NPHP4: variants seen among roughly 807,000 people sequenced by gnomAD.
NPHP4 encodes nephrocystin-4.
A neutral mutation model predicts 155.8 loss-of-function variants in NPHP4; 151 were observed. The ratio of observed to expected loss-of-function variants is 0.97; its 90% CI spans 0.85 to 1.11. The LOEUF is 1.11. Ranked by LOEUF, NPHP4 falls within the 50% of genes least tolerant of loss-of-function variation. The pLI is 0.00. For synonymous variants in NPHP4, 845 were observed against 816.8 expected (o/e 1.03, Z -0.59); for missense variants, 1,956 against 1,925.7 (o/e 1.02, Z -0.29).
intron 3 of NPHP4, among the ~76,000 whole-genome samples, chr1:5,973,789 G>C (rs1430136098): frequency 1.3e-5 from 2 of 152,228 alleles, no homozygotes; most frequent in African/African-American, 4.8e-5. Context: ...GACTACGGCA[G>C]TGGTTTCCAT....
chr1:5,926,955 C>T (rs563475043), intron 11 of NPHP4, among the ~76,000 whole-genome samples: 1 of 152,342 alleles, frequency 6.6e-6, no homozygotes, highest in Admixed American at 6.5e-5. Context: ...AGCCAAGGCC[C>T]CATACTCATT....
At chr1:5,894,527 AAC>A (rs576857307) in intron 16 of NPHP4, among the ~76,000 whole-genome samples, 200 of 152,300 alleles carry the variant, frequency 1.3e-3, no homozygotes, top group African/African-American at 4.5e-3. Context: ...TCAAAGGGAA[AAC>A]ACAATCAAAA....
chr1:5,975,455 C>T (rs1199127947), intron 3 of NPHP4, among the ~76,000 whole-genome samples: 1 of 152,204 alleles, frequency 6.6e-6, no homozygotes, highest in Admixed American at 6.5e-5. Flanking sequence ...GCCCTGGCCA[C>T]ACCACACTGT....
intron 18 of NPHP4, among the ~76,000 whole-genome samples, chr1:5,884,762 T>A (rs12740842): frequency 1.1e-3 from 74 of 64,912 alleles, no homozygotes; most frequent in South Asian, 2.1e-3. Flanking sequence ...CCAAGCTCCC[T>A]GCCAAACCCC....
rs116720411 is a variant in NPHP4 at position 5,944,141 on chromosome 1, G to C, written c.1119+2963C>G. On this transcript the variant is annotated intron_variant, in intron 9 of 29. Coordinates refer to ENST00000378156, the MANE Select transcript of NPHP4 (RefSeq NM_015102.5). This position sits in a 1 kb window ranked among gnomAD's most constrained non-coding sequence, Gnocchi z 4.3. Reference sequence around the variant, plus strand: ...AAAACGGGTTGTGGGAGAGGACATAGAAGAAGCAGATTGTCCAGGAAGCTG... The same window carrying C: ...AAAACGGGTTGTGGGAGAGGACATACAAGAAGCAGATTGTCCAGGAAGCTG... 1.3e-5 allele frequency among the ~76,000 whole-genome samples: 2 copies of C among 152,250 alleles called. No individual in the cohort carries two copies. The highest frequency in any genetic ancestry group is 2.9e-5 in the Non-Finnish European group (2 of 68,042).
At chr1:5,888,759 C>A in intron 17 of NPHP4, 1 of 472,994 alleles carries the variant, frequency 2.1e-6, no homozygotes, top group Non-Finnish European at 3.6e-6. Flanking sequence ...CACTGTGAAG[C>A]CAAGGACATG....
chr1:5,919,527 ACT>A lies in NPHP4; in HGVS notation c.1441+8120_1441+8121del, dbSNP rs1389709464. On this transcript the variant is annotated intron_variant, in intron 11 of 29. Coordinates refer to ENST00000378156, the MANE Select transcript of NPHP4 (RefSeq NM_015102.5). ...TAACCAAGTGCCTGGCACATCACAG[ACT>A]CTCCGCAAGTCTTTGCTGAATGGAG... 9.2e-5 allele frequency among the ~76,000 whole-genome samples: 14 copies of A among 151,892 alleles called. No individual in the cohort carries two copies. The South Asian group carries it at 1.0e-3, about 11-fold the overall frequency.
chr1:5,914,761 T>TG (rs1645375733), intron 11 of NPHP4, among the ~76,000 whole-genome samples: 1 of 152,202 alleles, frequency 6.6e-6, no homozygotes, highest in Non-Finnish European at 1.5e-5. Context: ...TTCATTGAGA[T>TG]GTCTTCCTAG....
At chr1:5,901,728 T>C (rs1370465510) in intron 16 of NPHP4, among the ~76,000 whole-genome samples, 4 of 145,946 alleles carry the variant, frequency 2.7e-5, no homozygotes, top group Non-Finnish European at 5.9e-5. Flanking sequence ...ATAAAATGAC[T>C]GGATGGAATT....
At position 5,867,487 on chromosome 1, in the gene NPHP4, C is replaced by G; in HGVS notation, c.3472+253G>C. 1.7e-6 allele frequency: 1 copy of G among 574,306 alleles called. No individual in the cohort carries two copies. The highest frequency in any genetic ancestry group is 2.9e-5 in the East Asian group (1 of 34,270). The allele number at this position is 574,306 out of a possible 1,614,324, so 35.6% of individuals were successfully genotyped here. A position where few individuals can be genotyped will look rare whatever the true frequency, so the allele number is the denominator to read the frequency against. ...AGGTGTTCCTCCAGGCACACCTGGACCTGGGCCGCGGGAGCTGGGATTTTT... is the reference window on the plus strand; with the variant it reads ...AGGTGTTCCTCCAGGCACACCTGGAGCTGGGCCGCGGGAGCTGGGATTTTT... On this transcript the variant is annotated intron_variant, in intron 24 of 29. Transcript: ENST00000378156. This position sits in a 1 kb window ranked among gnomAD's most constrained non-coding sequence, Gnocchi z 4.1.
At chr1:5,878,429 C>T (rs1283220130) in intron 19 of NPHP4, among the ~76,000 whole-genome samples, 4 of 152,210 alleles carry the variant, frequency 2.6e-5, no homozygotes, top group African/African-American at 9.6e-5. Context: ...CTGGGGCCTG[C>T]GCAAGTTGGG....
At chr1:5,952,572 C>T (rs1209924758) in intron 7 of NPHP4, 128 bp downstream of exon 7, 5 of 97,738 alleles carry the variant, frequency 5.1e-5, no homozygotes, top group Admixed American at 4.5e-4. Flanking sequence ...CCACCCACCC[C>T]TACCCTGCCC....
chr1:5,947,159 G>A lies in NPHP4; in HGVS notation c.1064C>T (p.Ala355Val), dbSNP rs200118635. 41 of 1,613,818 alleles carry A rather than the reference G, an allele frequency of 2.5e-5. No individual in the cohort carries two copies. The highest frequency in any genetic ancestry group is 4.5e-5 in the East Asian group (2 of 44,890). ...CACGTACTCCAGCTGGAAGATGACC[G>A]CAAATGCAGGGTGGCCGACCATCTC... ...LPEMVGHPAF[A>V]VIFQLEYVFS... The change falls in exon 9 of 30, where the codon GCG becomes GTG. Residue 355 changes from alanine (A) to valine (V), a missense_variant. By Grantham distance (64) the Ala-to-Val change is moderately conservative (BLOSUM62 0). Coordinates refer to ENST00000378156, the MANE Select transcript of NPHP4 (RefSeq NM_015102.5).
At chr1:5,898,494 C>T (rs1002009900) in intron 16 of NPHP4, among the ~76,000 whole-genome samples, 6 of 152,214 alleles carry the variant, frequency 3.9e-5, no homozygotes, top group African/African-American at 1.2e-4. Flanking sequence ...GTAGGACCAG[C>T]GTGCAGGGCC....
At position 5,890,684 on chromosome 1, in the gene NPHP4, G is replaced by C. The variant is rs1644074499; in HGVS notation, c.2304+184C>G. Among the ~76,000 whole-genome samples the C allele has an allele frequency of 6.6e-6, 1 of 152,158 alleles. No individual in the cohort carries two copies. Among genetic ancestry groups the C allele is most frequent in the South Asian group, 2.1e-4 (1 of 4,830 alleles). On this transcript the variant is annotated intron_variant, in intron 17 of 29. Transcript: ENST00000378156. This position sits in a 1 kb window ranked among gnomAD's most constrained non-coding sequence, Gnocchi z 4.9. ...ACTAGCATTATAGAATTCAGACAGT[G>C]AAAAATCTTTTCCTTTCAAGAAACA...
At position 5,905,130 on chromosome 1, in the gene NPHP4, TGTGGGTGGGTCC is replaced by T. The variant is rs1161560892; in HGVS notation, c.1955+150_1955+161del. Among the ~76,000 whole-genome samples the T allele has an allele frequency of 3.3e-5, 5 of 152,308 alleles. No individual in the cohort carries two copies. The highest frequency in any genetic ancestry group is 1.5e-5 in the Non-Finnish European group (1 of 68,028). On this transcript the variant is annotated intron_variant, in intron 15 of 29. Coordinates refer to ENST00000378156, the MANE Select transcript of NPHP4 (RefSeq NM_015102.5). This position sits in a 1 kb window ranked among gnomAD's most constrained non-coding sequence, Gnocchi z 4.0. ...GCAGCTTTCACAGCATTTAGCATGC[TGTGGGTGGGTCC>T]TAGCCAAGAGAAGATAAAAACAGAT...
Position 5,875,043 on chromosome 1 carries a change from G to T in NPHP4, c.2875C>A (p.Arg959=). ...LRDLQVIAAY[R]ERTKAESIAS... ...ATGCTCTCGGCCTTCGTGCGTTCCC[G>T]GTAGGCGGCGATGACCTGTAGGTCC... is the stretch of plus-strand genomic sequence containing the variant. Residue 959 remains arginine (R), a synonymous_variant, in exon 21 of 30, where the codon CGG becomes AGG. Coordinates refer to ENST00000378156, the MANE Select transcript of NPHP4 (RefSeq NM_015102.5). 1 of 1,608,800 alleles carries T rather than the reference G, an allele frequency of 6.2e-7. No individual in the cohort carries two copies.
rs115125243 is a variant in NPHP4, at chr1:5,888,750, A to G, written c.2305-1284T>C. 909 of 499,920 alleles carry G rather than the reference A, an allele frequency of 1.8e-3. 5 individuals are homozygous for G. The highest frequency in any genetic ancestry group is 2.5e-3 in the Non-Finnish European group (751 of 299,898). The allele number at this position is 499,920 out of a possible 1,614,324, so 31.0% of individuals were successfully genotyped here. ...TGGCGACTGGTTTAAAGGCTGACACACTGTGAAGCCAAGGACATGGGACAC... is the reference window on the plus strand; with the variant it reads ...TGGCGACTGGTTTAAAGGCTGACACGCTGTGAAGCCAAGGACATGGGACAC... On this transcript the variant is annotated intron_variant, in intron 17 of 29. Transcript: ENST00000378156.
chr1:5,865,190 C>T lies in NPHP4; in HGVS notation c.3728G>A (p.Gly1243Asp), dbSNP rs1331083721. The T allele has an allele frequency of 6.2e-7, 1 of 1,612,428 alleles. No individual in the cohort carries two copies. Among genetic ancestry groups the T allele is most frequent in the African/African-American group, 1.3e-5 (1 of 75,050 alleles). Residue 1243 changes from glycine to aspartate, a missense_variant, in exon 27 of 30, where the codon GGC (glycine) becomes GAC (aspartate). Gly to Asp is a moderately conservative substitution (Grantham distance 94). Coordinates refer to ENST00000378156, the MANE Select transcript of NPHP4 (RefSeq NM_015102.5). The part of the protein sequence containing the change: ...LQRVDVSCVA[G>D]QLTRLSLVLR... Reference sequence around the variant, plus strand: ...GACAAGGGACAGGCGGGTCAGCTGGCCTGCGACGCAGGAGACATCCACGCG... The same window carrying T: ...GACAAGGGACAGGCGGGTCAGCTGGTCTGCGACGCAGGAGACATCCACGCG...
Sources: allele counts gnomAD v4.1 joint callset (sites outside exome capture counted in the v4.1 genomes callset), GRCh38; gene constraint gnomAD v4.1.1; non-coding constraint Gnocchi (gnomAD v3.1); transcripts MANE v1.5; gene names NCBI Gene and HGNC (gene_info 2026-07-23, HGNC 2026-07-21).